Variants in ZNF268 observed in about 807,000 individuals in gnomAD.
ZNF268 encodes zinc finger protein 268, also known as zinc finger protein 3.
A neutral mutation model predicts 29.3 loss-of-function variants in ZNF268; 20 were observed. The observed-to-expected ratio is 0.68, with a 90% CI of 0.48 to 0.99. The LOEUF (loss-of-function observed/expected upper bound fraction) is 0.99. Ranked by LOEUF, ZNF268 falls within the 50% of genes least tolerant of loss-of-function variation. The pLI is 0.00. For synonymous variants in ZNF268, 429 were observed against 376.9 expected, an observed-to-expected ratio of 1.14 and a Z score of -1.60; for missense variants, 1,240 against 1,121.6, an observed-to-expected ratio of 1.11 and a Z score of -1.51.
In ZNF268 at chr12:133,210,657, G is replaced by A; in HGVS notation, c.*6127G>A. 2.8e-6 allele frequency: 1 copy of A among 357,270 alleles called. No individual in the cohort carries two copies. Among genetic ancestry groups the A allele is most frequent in the Admixed American group, 3.6e-5 (1 of 27,712 alleles). The allele number at this position is 357,270 out of a possible 1,614,324, so 22.1% of individuals were successfully genotyped here. ...GTGAAGTGCCCTCGGGGGTCTCCGG[G>A]TCCTGAGTAGAAGCAAGGTCTGTTT... On this transcript the variant is annotated 3_prime_UTR_variant, in exon 6 of 6. Transcript: ENST00000536435.
At chr12:133,190,819 A>T (rs1022080331) in intron 3 of ZNF268, among the ~76,000 whole-genome samples, 2 of 149,644 alleles carry the variant, frequency 1.3e-5, no homozygotes, top group Middle Eastern at 3.2e-3. Context: ...TGCATATGTA[A>T]CTGTTCTTCA....
At chr12:133,200,527 G>A (rs1309085652) in intron 5 of ZNF268, among the ~76,000 whole-genome samples, 1 of 152,158 alleles carries the variant, frequency 6.6e-6, no homozygotes, top group Non-Finnish European at 1.5e-5. Flanking sequence ...GGAGAGTTCT[G>A]TAGATGTCTA....
At chr12:133,198,152 G>A (rs921001856) in intron 5 of ZNF268, among the ~76,000 whole-genome samples, 5 of 148,038 alleles carry the variant, frequency 3.4e-5, no homozygotes, top group African/African-American at 7.6e-5. Flanking sequence ...TTCTTCTAGG[G>A]TTTTTATGGT....
At position 133,205,254 on chromosome 12, in the gene ZNF268, G is replaced by A. The variant is rs1281946026; in HGVS notation, c.*724G>A. 1 of 148,966 alleles carries A rather than the reference G, an allele frequency of 6.7e-6. No homozygotes were observed. Among genetic ancestry groups the A allele is most frequent in the Non-Finnish European group, 1.5e-5 (1 of 67,514 alleles). The allele number at this position is 148,966 out of a possible 1,614,324, so 9.2% of individuals were successfully genotyped here. On this transcript the variant is annotated 3_prime_UTR_variant, in exon 6 of 6. Transcript: ENST00000536435. ...CATTTTAAGAAATTTTATTCCAGGT[G>A]TTCCAAAATTTCAGGAAAAGGTTTG...
rs1227330200 is a variant in ZNF268 at position 133,203,527 on chromosome 12, G to A, written c.1841G>A (p.Cys614Tyr). 1 of 1,548,346 alleles carries A rather than the reference G, an allele frequency of 6.5e-7. No homozygotes were observed. Among genetic ancestry groups the A allele is most frequent in the Middle Eastern group, 1.7e-4 (1 of 6,002 alleles). The change falls in exon 6 of 6, where the codon TGT becomes TAT. Residue 614 changes from cysteine (C) to tyrosine (Y), a missense_variant. By Grantham distance (194) the Cys-to-Tyr change is radical. Transcript: ENST00000536435. ...RTHTGEKPFE[C>Y]SECQKAFNTK... ...CATACAGGGGAGAAACCATTTGAAT[G>A]TAGTGAGTGTCAGAAAGCCTTTAAT...
In ZNF268 at chr12:133,205,402, A is replaced by G. The variant is rs546747701; in HGVS notation, c.*872A>G. On this transcript the variant is annotated 3_prime_UTR_variant, in exon 6 of 6. Transcript: ENST00000536435. ...TACAGGGATATTTAGATATCTTCCT[A>G]TGTGTACTACATAATATGAATTTTG... The G allele has an allele frequency of 1.3e-5, 2 of 152,236 alleles. No homozygotes were observed. Among genetic ancestry groups the G allele is most frequent in the East Asian group, 1.9e-4 (1 of 5,176 alleles). 9.4% of individuals were successfully genotyped at this position (152,236 alleles called of 1,614,324 possible).
rs1477223987 is a variant in ZNF268, at chr12:133,201,868, ACTT to A, written c.458-272_458-270del. Reference sequence around the variant, plus strand: ...TTTATCCAATATGCAAAACTTTTAAACTTCTTATCAGTTTACTATGCCTATCTT... The same window carrying A: ...TTTATCCAATATGCAAAACTTTTAAACTTATCAGTTTACTATGCCTATCTT... On this transcript the variant is annotated intron_variant, in intron 5 of 5. Transcript: ENST00000536435. 7.9e-5 allele frequency among the ~76,000 whole-genome samples: 12 copies of A among 152,080 alleles called. No individual in the cohort carries two copies. The East Asian group carries it at 2.1e-3, about 27-fold the overall frequency.
chr12:133,203,089 G>C lies in ZNF268; in HGVS notation c.1403G>C (p.Gly468Ala). The change falls in exon 6 of 6, where the codon GGA (glycine) becomes GCA (alanine). Residue 468 changes from glycine to alanine, a missense_variant. Gly to Ala is a moderately conservative substitution (Grantham distance 60). This residue lies in a region of ZNF268 where 1,177 missense variants were observed against 1,039.6 expected (regional missense o/e 1.13). Coordinates refer to ENST00000536435, the MANE Select transcript of ZNF268 (RefSeq NM_003415.3). ...ATTGTACATCAGGGGATTCACACAGGAGTAAAGCCCTATGGGTGTATTCAG... is the reference window on the plus strand; with the variant it reads ...ATTGTACATCAGGGGATTCACACAGCAGTAAAGCCCTATGGGTGTATTCAG... Reference protein sequence around the residue: ...QLIVHQGIHTGVKPYGCIQCG... With the variant: ...QLIVHQGIHTAVKPYGCIQCG... 3 of 1,537,690 alleles carry C rather than the reference G, an allele frequency of 2.0e-6. No homozygotes were observed. Among genetic ancestry groups the C allele is most frequent in the Non-Finnish European group, 2.6e-6 (3 of 1,146,914 alleles).
intron 5 of ZNF268, among the ~76,000 whole-genome samples, chr12:133,199,573 C>T (rs1956700334): frequency 6.6e-6 from 1 of 151,778 alleles, no homozygotes; most frequent in East Asian, 1.9e-4. Flanking sequence ...GGAGGATTCC[C>T]TCTTTTTCTA....
rs1956947620 is a variant in ZNF268, at chr12:133,209,278, A to G, written c.*4748A>G. On this transcript the variant is annotated 3_prime_UTR_variant, in exon 6 of 6. Coordinates refer to ENST00000536435, the MANE Select transcript of ZNF268 (RefSeq NM_003415.3). ...CTTTGCTAAAGGGCCAGGTAGAGTTATTTATTTCTTGTAGAGATGGGGTTT... is the reference window on the plus strand; with the variant it reads ...CTTTGCTAAAGGGCCAGGTAGAGTTGTTTATTTCTTGTAGAGATGGGGTTT... The G allele has an allele frequency of 6.6e-6, 1 of 151,888 alleles. No individual in the cohort carries two copies. Among genetic ancestry groups the G allele is most frequent in the African/African-American group, 2.4e-5 (1 of 41,346 alleles). 9.4% of individuals were successfully genotyped at this position (151,888 alleles called of 1,614,324 possible).
rs1052631363 is a variant in ZNF268 at position 133,206,298 on chromosome 12, G to A, written c.*1768G>A. The A allele has an allele frequency of 1.3e-5, 2 of 152,174 alleles. No individual in the cohort carries two copies. The highest frequency in any genetic ancestry group is 2.4e-5 in the African/African-American group (1 of 41,434). The allele number at this position is 152,174 out of a possible 1,614,324, so 9.4% of individuals were successfully genotyped here. ...CATCATGTGCTCACTGAGGCTTTGG[G>A]GAAATGGATAAGTTGTCATTGAAAA... is the stretch of plus-strand genomic sequence containing the variant. On this transcript the variant is annotated 3_prime_UTR_variant, in exon 6 of 6. Coordinates refer to ENST00000536435, the MANE Select transcript of ZNF268 (RefSeq NM_003415.3).
chr12:133,191,132 C>A (rs139131311), intron 3 of ZNF268, among the ~76,000 whole-genome samples: 215 of 152,102 alleles, frequency 1.4e-3, no homozygotes, highest in African/African-American at 5.1e-3. Context: ...CTGGCTAACA[C>A]AGTGAAACCC....
Position 133,204,599 on chromosome 12 carries a change from G to A in ZNF268, c.*69G>A. Reference sequence around the variant, plus strand: ...ACAATCATATATAAAGAGAAACTCTGTAAGTGGAATCATCTTGTCATCTTC... The same window carrying A: ...ACAATCATATATAAAGAGAAACTCTATAAGTGGAATCATCTTGTCATCTTC... On this transcript the variant is annotated 3_prime_UTR_variant, in exon 6 of 6. Coordinates refer to ENST00000536435, the MANE Select transcript of ZNF268 (RefSeq NM_003415.3). 1 of 1,187,628 alleles carries A rather than the reference G, an allele frequency of 8.4e-7. No homozygotes were observed. Among genetic ancestry groups the A allele is most frequent in the South Asian group, 1.7e-5 (1 of 60,030 alleles). 73.6% of individuals were successfully genotyped at this position (1,187,628 alleles called of 1,614,324 possible). A position where few individuals can be genotyped will look rare whatever the true frequency, so the allele number is the denominator to read the frequency against.
chr12:133,186,584 C>T (rs565208241), intron 2 of ZNF268, among the ~76,000 whole-genome samples: 45 of 151,804 alleles, frequency 3.0e-4, no homozygotes, highest in Middle Eastern at 6.8e-3. Context: ...TACTGTGTTG[C>T]CCAGGCTGGT....
chr12:133,191,712 T>G (rs1956480855), intron 4 of ZNF268, 97 bp downstream of exon 4: 1 of 1,556,476 alleles, frequency 6.4e-7, no homozygotes, highest in Admixed American at 1.9e-5. Flanking sequence ...TTAGTGATTT[T>G]GGACTTAGAT....
intron 2 of ZNF268, among the ~76,000 whole-genome samples, chr12:133,184,199 G>A (rs548616715): frequency 5.9e-5 from 9 of 152,052 alleles, no homozygotes; most frequent in African/African-American, 1.7e-4. Context: ...TCTGCCTCCC[G>A]GGTTCAAGTG....
At position 133,204,885 on chromosome 12, in the gene ZNF268, A is replaced by G; in HGVS notation, c.*355A>G. ...GAAACTTCATGAACCAGATGAATAT[A>G]GAATAGACTTCTTTGAAATTCATAG... is the stretch of plus-strand genomic sequence containing the variant. On this transcript the variant is annotated 3_prime_UTR_variant, in exon 6 of 6. Transcript: ENST00000536435. 1 of 181,162 alleles carries G rather than the reference A, an allele frequency of 5.5e-6. No individual in the cohort carries two copies. The highest frequency in any genetic ancestry group is 6.0e-5 in the Admixed American group (1 of 16,604). The allele number at this position is 181,162 out of a possible 1,614,324, so 11.2% of individuals were successfully genotyped here. A position where few individuals can be genotyped will look rare whatever the true frequency, so the allele number is the denominator to read the frequency against.
At chr12:133,182,340 T>C (rs1956197187) in intron 2 of ZNF268, among the ~76,000 whole-genome samples, 1 of 152,188 alleles carries the variant, frequency 6.6e-6, no homozygotes, top group African/African-American at 2.4e-5. Context: ...GTATCTGGGA[T>C]CTTTAAACCT....
chr12:133,197,499 C>T (rs981436665), intron 5 of ZNF268, among the ~76,000 whole-genome samples: 5 of 151,816 alleles, frequency 3.3e-5, no homozygotes, highest in Admixed American at 6.6e-5. Flanking sequence ...AATAAACATA[C>T]GTGTGCATGT....
Sources: gnomAD v4.1 joint callset for allele counts (sites outside exome capture counted in the v4.1 genomes callset) on GRCh38, gnomAD v4.1.1 for gene constraint, gnomAD v4.1.1 regional missense constraint, MANE v1.5 for transcripts, NCBI Gene and HGNC (gene_info 2026-07-23, HGNC 2026-07-21) for gene names.